ACAD11: variants seen among roughly 807,000 people sequenced by gnomAD.
ACAD11 encodes the protein acyl-Coenzyme A dehydrogenase family, member 11.
Under a neutral mutation model 102.2 loss-of-function variants are expected in ACAD11, and 83 were observed. That is an observed-to-expected ratio of 0.81 (90% confidence interval 0.68 to 0.97). ACAD11 has a LOEUF of 0.97. ACAD11 is among the 50% of genes least tolerant of loss of function. The pLI, the probability that ACAD11 is intolerant of heterozygous loss-of-function variation, is 0.00. For synonymous variants in ACAD11, 324 were observed against 319.8 expected, an observed-to-expected ratio of 1.01 and a Z score of -0.14; for missense variants, 901 against 951.7, an observed-to-expected ratio of 0.95 and a Z score of 0.70.
At chr3:132,577,110 T>C (rs1307644039) in intron 15 of ACAD11, 95 bp from the exon 16 acceptor site, 54 of 805,604 alleles carry the variant, frequency 6.7e-5, no homozygotes, top group East Asian at 1.9e-4. Flanking sequence ...TTGAAGAAAA[T>C]AGGATTTCAA....
At position 132,618,646 on chromosome 3, in the gene ACAD11, A is replaced by G; in HGVS notation, c.1402T>C (p.Cys468Arg). ...TTAATGTAGTAACCTGGTGCTTGGC[A>G]GTTAAAGACATCTGGAGCAAAAAAG... ...KCFFAPDVFN[C>R]QAPDTGNMEV... Residue 468 changes from cysteine (C) to arginine (R), a missense_variant, in exon 11 of 20, where the codon TGC becomes CGC. Coordinates refer to ENST00000264990, the MANE Select transcript of ACAD11 (RefSeq NM_032169.5). 5.0e-6 allele frequency: 8 copies of G among 1,596,160 alleles called. No individual in the cohort carries two copies. Among genetic ancestry groups the G allele is most frequent in the Non-Finnish European group, 6.8e-6 (8 of 1,172,880 alleles).
At chr3:132,641,557 T>TGAA (rs1347083217) in intron 4 of ACAD11, among the ~76,000 whole-genome samples, 54 of 100,888 alleles carry the variant, frequency 5.4e-4, no homozygotes, top group Admixed American at 1.8e-3. Flanking sequence ...ATGATGATGA[T>TGAA]GATGAAGAAG....
intron 13 of ACAD11, among the ~76,000 whole-genome samples, chr3:132,595,921 A>G (rs1259764354): frequency 6.6e-6 from 1 of 152,212 alleles, no homozygotes; most frequent in Non-Finnish European, 1.5e-5. Context: ...CAATTCCATT[A>G]CTGGGTATAT....
In ACAD11 at chr3:132,628,567, A is replaced by G; in HGVS notation, c.964-121T>C. ...CTCACAGGGTATGAAGACGTAAAAC[A>G]GACTATCGACGATATTAATGTACAT... On this transcript the variant is annotated intron_variant, in intron 7 of 19. Coordinates refer to ENST00000264990, the MANE Select transcript of ACAD11 (RefSeq NM_032169.5). 3 of 633,132 alleles carry G rather than the reference A, an allele frequency of 4.7e-6. No individual in the cohort carries two copies. In the East Asian group the frequency reaches 8.8e-5, roughly 18 times the overall value. 39.2% of individuals were successfully genotyped at this position (633,132 alleles called of 1,614,324 possible). A position where few individuals can be genotyped will look rare whatever the true frequency, so the allele number is the denominator to read the frequency against.
At chr3:132,601,993 C>A (rs1938627909) in intron 13 of ACAD11, 1 of 169,814 alleles carries the variant, frequency 5.9e-6, no homozygotes, top group Non-Finnish European at 1.4e-5. Flanking sequence ...GTTAGGCCAT[C>A]TAAAACAGAT....
At chr3:132,659,549 G>C (rs1182235248) in intron 1 of ACAD11, 54 bp downstream of exon 1, 1 of 1,604,974 alleles carries the variant, frequency 6.2e-7, no homozygotes, top group East Asian at 2.3e-5. Context: ...CCAAAGGAAG[G>C]AAAACTCAAT....
intron 5 of ACAD11, among the ~76,000 whole-genome samples, chr3:132,636,019 A>G (rs140746842): frequency 1.3e-4 from 20 of 152,268 alleles, no homozygotes; most frequent in Non-Finnish European, 2.4e-4. Context: ...ATAAATGATT[A>G]CTTTTCTTTT....
In ACAD11 at chr3:132,644,927, T is replaced by C. The variant is rs367775698; in HGVS notation, c.150-31A>G. The C allele has an allele frequency of 1.5e-5, 20 of 1,313,884 alleles. No individual in the cohort carries two copies. The African/African-American group carries it at 2.4e-4, about 16-fold the overall frequency. The allele number at this position is 1,313,884 out of a possible 1,614,324, so 81.4% of individuals were successfully genotyped here. ...TAAAAGTAAAAAAAAAAAAGGTCAA[T>C]TACAAAGATATGTTTTCCGTCATCC... On this transcript the variant is annotated intron_variant, in intron 1 of 19. Coordinates refer to ENST00000264990, the MANE Select transcript of ACAD11 (RefSeq NM_032169.5).
At chr3:132,655,861 T>C (rs1005510001) in intron 1 of ACAD11, among the ~76,000 whole-genome samples, 7 of 152,268 alleles carry the variant, frequency 4.6e-5, no homozygotes, top group Non-Finnish European at 8.8e-5. Flanking sequence ...ACTTTCATTA[T>C]TGATTAATTC....
intron 11 of ACAD11, among the ~76,000 whole-genome samples, chr3:132,611,173 A>G (rs1239260978): frequency 6.6e-6 from 1 of 152,088 alleles, no homozygotes; most frequent in East Asian, 1.9e-4. Flanking sequence ...AAATTCAACA[A>G]CGCTTCATGC....
chr3:132,585,653 A>G (rs960179639), intron 13 of ACAD11, among the ~76,000 whole-genome samples: 13 of 152,098 alleles, frequency 8.5e-5, no homozygotes, highest in African/African-American at 2.9e-4. Context: ...AGAAAAAAAC[A>G]AACAACCCCA....
Position 132,613,055 on chromosome 3 carries a change from A to G in ACAD11, c.1414+5579T>C, listed in dbSNP as rs1026830618. On this transcript the variant is annotated intron_variant, in intron 11 of 19. Coordinates refer to ENST00000264990, the MANE Select transcript of ACAD11 (RefSeq NM_032169.5). ...GGAATACTATGCAGCCATAAAAAAT[A>G]ATGAGTTCATGTCCTTTGTAGGGAC... Among the ~76,000 whole-genome samples the G allele has an allele frequency of 8.0e-4, 121 of 152,128 alleles. 3 individuals carry two copies. Among genetic ancestry groups the G allele is most frequent in the Middle Eastern group, 3.4e-3 (1 of 294 alleles).
chr3:132,562,621 A>G (rs1937096091), intron 17 of ACAD11, among the ~76,000 whole-genome samples: 1 of 152,130 alleles, frequency 6.6e-6, no homozygotes, highest in Non-Finnish European at 1.5e-5. Flanking sequence ...ATTTTATTTT[A>G]GTCATTTTAA....
chr3:132,658,587 T>G (rs1053213359), intron 1 of ACAD11, among the ~76,000 whole-genome samples: 4 of 152,240 alleles, frequency 2.6e-5, no homozygotes, highest in African/African-American at 9.6e-5. Flanking sequence ...TTCAGTTTGT[T>G]ACAACACAAG....
rs750131310 is a variant in ACAD11, at chr3:132,639,616, T to A, written c.578A>T (p.Gln193Leu). ...TAGCTGTTGCATGGCAGGGATGTCCTGATGAGCTGCAGCTTGATATTGCTT... is the reference window on the plus strand; with the variant it reads ...TAGCTGTTGCATGGCAGGGATGTCCAGATGAGCTGCAGCTTGATATTGCTT... ...WTKQYQAAAH[Q>L]DIPAMQQLSE... The change falls in exon 5 of 20, where the codon CAG (glutamine) becomes CTG (leucine). Residue 193 changes from glutamine to leucine, a missense_variant. Coordinates refer to ENST00000264990, the MANE Select transcript of ACAD11 (RefSeq NM_032169.5). The A allele has an allele frequency of 1.9e-6, 3 of 1,613,672 alleles. No individual in the cohort carries two copies. The highest frequency in any genetic ancestry group is 2.5e-6 in the Non-Finnish European group (3 of 1,179,790).
At chr3:132,649,104 A>G (rs1216241175) in intron 1 of ACAD11, among the ~76,000 whole-genome samples, 1 of 152,218 alleles carries the variant, frequency 6.6e-6, no homozygotes, top group Non-Finnish European at 1.5e-5. Context: ...AGCCGCAGGG[A>G]CCTCTGCCCT....
chr3:132,587,800 T>C (rs1336802309), intron 13 of ACAD11, among the ~76,000 whole-genome samples: 1 of 152,226 alleles, frequency 6.6e-6, no homozygotes, highest in East Asian at 1.9e-4. Flanking sequence ...TTCAGGTGGA[T>C]GGGAAATCAA....
rs931094546 is a variant in ACAD11, at chr3:132,559,824, T to C, written c.2228+9A>G. On this transcript the variant is annotated intron_variant, in intron 19 of 19. Transcript: ENST00000264990. ...AAACGTAGATGATTCTTAAATGACATCTACTCACATGTTAGCCAGAGGGTA... is the reference window on the plus strand; with the variant it reads ...AAACGTAGATGATTCTTAAATGACACCTACTCACATGTTAGCCAGAGGGTA... 3 of 1,607,264 alleles carry C rather than the reference T, an allele frequency of 1.9e-6. No homozygotes were observed. In the African/African-American group the frequency reaches 4.0e-5, roughly 21 times the overall value.
chr3:132,659,556 C>G, intron 1 of ACAD11, 47 bp downstream of exon 1: 1 of 1,606,588 alleles, frequency 6.2e-7, no homozygotes, highest in Non-Finnish European at 8.5e-7. Flanking sequence ...AAGGAAAACT[C>G]AATGTACAAA....
Sources: allele counts gnomAD v4.1 joint callset (sites outside exome capture counted in the v4.1 genomes callset), GRCh38; gene constraint gnomAD v4.1.1; transcripts MANE v1.5; gene names NCBI Gene and HGNC (gene_info 2026-07-23, HGNC 2026-07-21).